The following LAMA1 variants were observed in gnomAD, a reference collection of about 807,000 sequenced individuals.
LAMA1 encodes the protein laminin subunit alpha 1, also known as laminin subunit alpha-1.
Under a neutral mutation model 348.7 loss-of-function variants are expected in LAMA1, and 219 were observed. That is an observed-to-expected ratio of 0.63 (90% CI 0.56 to 0.70). LAMA1 has a LOEUF of 0.70. LAMA1 is among the 30% of genes least tolerant of loss of function. LAMA1 has a pLI of 0.00. For missense variants in LAMA1, 3,744 were observed against 3,888.0 expected (o/e 0.96, Z 0.99); for synonymous variants, 1,487 against 1,491.0 (o/e 1.00, Z 0.06).
intron 1 of LAMA1, among the ~76,000 whole-genome samples, chr18:7,110,046 T>C (rs2058329576): frequency 6.6e-6 from 1 of 152,022 alleles, no homozygotes; most frequent in Non-Finnish European, 1.5e-5. Flanking sequence ...CAGGGTGTAG[T>C]GGCGCGCACC....
intron 46 of LAMA1, among the ~76,000 whole-genome samples, chr18:6,973,685 A>G (rs182369639): frequency 5.9e-5 from 9 of 152,324 alleles, no homozygotes; most frequent in Non-Finnish European, 1.2e-4. Context: ...TGCCAGCCAC[A>G]TGCAATGTCT....
At chr18:6,992,858 C>G in intron 35 of LAMA1, 138 bp from the exon 36 acceptor site, 1 of 678,948 alleles carries the variant, frequency 1.5e-6, no homozygotes. Context: ...GCCAGGCCAC[C>G]TGGCATATCC....
intron 16 of LAMA1, among the ~76,000 whole-genome samples, chr18:7,030,980 G>A (rs768267469): frequency 3.9e-5 from 6 of 152,120 alleles, no homozygotes; most frequent in Non-Finnish European, 5.9e-5. Flanking sequence ...GAGTCTGCCC[G>A]TAAACCACCC....
chr18:7,113,411 T>C (rs1204290236), intron 1 of LAMA1, among the ~76,000 whole-genome samples: 1 of 152,204 alleles, frequency 6.6e-6, no homozygotes, highest in Non-Finnish European at 1.5e-5. Context: ...TGTCATTTTG[T>C]GCATCTTATA....
At chr18:7,070,040 T>C (rs191768226) in intron 3 of LAMA1, among the ~76,000 whole-genome samples, 34 of 152,148 alleles carry the variant, frequency 2.2e-4, no homozygotes, top group African/African-American at 6.7e-4. Flanking sequence ...ATAATGAAAA[T>C]GTGAAAACAA....
rs1386056436 is a variant in LAMA1 at position 7,117,611 on chromosome 18, C to A, written c.61+49G>T. 3 of 1,578,350 alleles carry A rather than the reference C, an allele frequency of 1.9e-6. No homozygotes were observed. The Admixed American group carries it at 5.1e-5, about 27-fold the overall frequency. The stretch of plus-strand genomic sequence containing the variant: ...CGGGCTTTGTCCGCGGCCGCCCCCG[C>A]CCGCCCGCCTGCGGGGGACAGGGAC... On this transcript the variant is annotated intron_variant, in intron 1 of 62. Coordinates refer to ENST00000389658, the MANE Select transcript of LAMA1 (RefSeq NM_005559.4).
At position 7,032,075 on chromosome 18, in the gene LAMA1, G is replaced by C. The variant is rs148714534; in HGVS notation, c.2265C>G (p.Gly755=). Residue 755 remains glycine (G), a synonymous_variant, in exon 16 of 63, where the codon GGC becomes GGG. Coordinates refer to ENST00000389658, the MANE Select transcript of LAMA1 (RefSeq NM_005559.4). ...ACAGTGAGAGACTCACAATGCAAAC[G>C]CCGTGAACATTACACTCAGCTGCAT... ...HGHAAECNVH[G]VCIACAHNTT... is the part of the protein sequence containing the mutation. 9 of 1,613,754 alleles carry C rather than the reference G, an allele frequency of 5.6e-6. No individual in the cohort carries two copies. The South Asian group carries it at 8.8e-5, about 16-fold the overall frequency.
At chr18:7,059,201 T>G (rs2143743290) in intron 3 of LAMA1, among the ~76,000 whole-genome samples, 1 of 152,328 alleles carries the variant, frequency 6.6e-6, no homozygotes, top group East Asian at 1.9e-4. Context: ...GTATATAGAA[T>G]ATTAAACCCT....
intron 3 of LAMA1, among the ~76,000 whole-genome samples, chr18:7,053,780 A>ATT (rs371341214): frequency 0.011 from 1,559 of 138,286 alleles, 19 homozygotes; most frequent in Middle Eastern, 0.037. Context: ...TCATTAGAGG[A>ATT]TTTTTTTTTT....
At chr18:6,956,113 G>C in intron 56 of LAMA1, 2 of 316,698 alleles carry the variant, frequency 6.3e-6, no homozygotes, top group Non-Finnish European at 1.2e-5. Flanking sequence ...AGAAGGTCCT[G>C]CTCTTGAATG....
At chr18:7,037,448 C>T in intron 12 of LAMA1, 130 bp downstream of exon 12, 2 of 977,440 alleles carry the variant, frequency 2.0e-6, no homozygotes, top group Non-Finnish European at 3.3e-6. Context: ...GATGCAAGTA[C>T]AGGCTATGAA....
chr18:6,981,813 A>G (rs542721107), intron 41 of LAMA1, among the ~76,000 whole-genome samples: 14 of 152,284 alleles, frequency 9.2e-5, no homozygotes, highest in Non-Finnish European at 1.8e-4. Context: ...TCCTCCAGAA[A>G]TCTTGGTATT....
intron 36 of LAMA1, among the ~76,000 whole-genome samples, chr18:6,987,230 C>T (rs1302559523): frequency 2.0e-5 from 3 of 152,164 alleles, no homozygotes; most frequent in African/African-American, 7.2e-5. Flanking sequence ...AGATCATCTC[C>T]ATGAATCTGG....
rs940208037 is a variant in LAMA1, at chr18:6,959,373, T to A, written c.7746A>T (p.Gln2582His). 2 of 1,614,064 alleles carry A rather than the reference T, an allele frequency of 1.2e-6. No individual in the cohort carries two copies. The highest frequency in any genetic ancestry group is 1.7e-5 in the Admixed American group (1 of 59,992). ...TCCTGACCAAGGAGATGGAATGCGC[T>A]TGTCCATCACTGCAGGTACCCGTGG... Reference protein sequence around the residue: ...HAPTGTCSDGQAHSISLVRNR... With the variant: ...HAPTGTCSDGHAHSISLVRNR... Residue 2582 changes from glutamine (Q) to histidine (H), a missense_variant, in exon 54 of 63, where the codon CAA becomes CAT. Physicochemically the swap from Gln to His is conservative, Grantham distance 24. Coordinates refer to ENST00000389658, the MANE Select transcript of LAMA1 (RefSeq NM_005559.4).
intron 3 of LAMA1, among the ~76,000 whole-genome samples, chr18:7,062,853 A>G (rs1005223374): frequency 3.9e-5 from 6 of 152,130 alleles, no homozygotes; most frequent in Admixed American, 1.3e-4. Flanking sequence ...CCTAGTCCTC[A>G]CATTGACCTG....
At chr18:7,033,174 G>T in intron 14 of LAMA1, 79 bp from the exon 15 acceptor site, 2 of 1,103,612 alleles carry the variant, frequency 1.8e-6, no homozygotes, top group South Asian at 1.3e-5. Flanking sequence ...GCTCCTAAAA[G>T]ATTTAAATCC....
At chr18:6,999,390 C>T in intron 32 of LAMA1, 55 bp downstream of exon 32, 1 of 1,580,164 alleles carries the variant, frequency 6.3e-7, no homozygotes, top group Non-Finnish European at 8.7e-7. Flanking sequence ...CACTTCTTTC[C>T]CGACACATTT....
chr18:6,953,107 C>T (rs1184136813), intron 57 of LAMA1, among the ~76,000 whole-genome samples: 1 of 148,128 alleles, frequency 6.8e-6, no homozygotes, highest in Non-Finnish European at 1.5e-5. Flanking sequence ...GGATCCACAC[C>T]ATAGGAGCCA....
chr18:7,104,856 T>C (rs1348661296), intron 1 of LAMA1, among the ~76,000 whole-genome samples: 3 of 152,212 alleles, frequency 2.0e-5, no homozygotes, highest in Non-Finnish European at 4.4e-5. Flanking sequence ...AAGAACCTGC[T>C]CTACCCTGCA....
Sources: allele counts gnomAD v4.1 joint callset (sites outside exome capture counted in the v4.1 genomes callset), GRCh38; gene constraint gnomAD v4.1.1; transcripts MANE v1.5; gene names NCBI Gene and HGNC (gene_info 2026-07-23, HGNC 2026-07-21).